The following ZNF267 variants were observed in gnomAD, a reference collection of about 807,000 sequenced individuals.
ZNF267 encodes the protein zinc finger (C2H2).
A neutral mutation model predicts 71.6 loss-of-function variants in ZNF267; 61 were observed. The ratio of observed to expected loss-of-function variants is 0.85; its 90% CI spans 0.69 to 1.05. ZNF267 has a LOEUF of 1.05. Among genes scored for constraint, ZNF267 ranks in the 50% least tolerant of loss-of-function variants. The pLI, the probability that ZNF267 is intolerant of heterozygous loss-of-function variation, is 0.00. For synonymous variants in ZNF267, 288 were observed against 293.2 expected, an observed-to-expected ratio of 0.98 and a Z score of 0.18; for missense variants, 852 against 870.0, an observed-to-expected ratio of 0.98 and a Z score of 0.26.
intron 3 of ZNF267, among the ~76,000 whole-genome samples, chr16:31,888,120 T>A (rs960987004): frequency 1.1e-4 from 16 of 151,826 alleles, no homozygotes; most frequent in Non-Finnish European, 1.9e-4. Context: ...TTAAAAAAAA[T>A]TTTTGATACT....
rs1299588749 is a variant in ZNF267, at chr16:31,914,695, A to C, written c.446A>C (p.His149Pro). ...FDESSVESLF[H>P]QQILSSCAKS... ...GAATCCTCTGTTGAAAGTTTGTTTC[A>C]CCAGCAAATACTTTCTTCTTGTGCC... The change falls in exon 4 of 4, where the codon CAC becomes CCC. Residue 149 changes from histidine to proline, a missense_variant. His to Pro is a moderately conservative substitution (Grantham distance 77, BLOSUM62 -2). Transcript: ENST00000300870. 1 of 1,614,148 alleles carries C rather than the reference A, an allele frequency of 6.2e-7. No individual in the cohort carries two copies. Among genetic ancestry groups the C allele is most frequent in the East Asian group, 2.2e-5 (1 of 44,864 alleles).
At chr16:31,909,683 A>G (rs2084120983) in intron 3 of ZNF267, among the ~76,000 whole-genome samples, 1 of 152,210 alleles carries the variant, frequency 6.6e-6, no homozygotes, top group Admixed American at 6.5e-5. Context: ...TTTTCTTAAT[A>G]TAAGACTGTA....
At chr16:31,906,669 C>T (rs991447339) in intron 3 of ZNF267, among the ~76,000 whole-genome samples, 6 of 152,110 alleles carry the variant, frequency 3.9e-5, no homozygotes, top group African/African-American at 9.7e-5. Context: ...TTCCAGGTGC[C>T]GTCTGTCACC....
intron 3 of ZNF267, among the ~76,000 whole-genome samples, chr16:31,910,064 T>C (rs1298449510): frequency 2.0e-5 from 3 of 152,238 alleles, no homozygotes; most frequent in Non-Finnish European, 4.4e-5. Flanking sequence ...ATCATACTGA[T>C]TGATTGCATA....
At chr16:31,897,605 T>C (rs985019212) in intron 3 of ZNF267, among the ~76,000 whole-genome samples, 2 of 152,114 alleles carry the variant, frequency 1.3e-5, no homozygotes, top group African/African-American at 2.4e-5. Flanking sequence ...CATAGATATT[T>C]TAGAATATTT....
intron 3 of ZNF267, among the ~76,000 whole-genome samples, chr16:31,900,636 G>T (rs774948237): frequency 6.6e-6 from 1 of 151,758 alleles, no homozygotes; most frequent in Non-Finnish European, 1.5e-5. Context: ...AGTAGAGATG[G>T]GGTTTCACTG....
chr16:31,910,227 ATCTTTT>A (rs1386839189), intron 3 of ZNF267, among the ~76,000 whole-genome samples: 2 of 148,268 alleles, frequency 1.3e-5, no homozygotes, highest in Admixed American at 1.3e-4. Context: ...CTTTTGATGT[ATCTTTT>A]TCTGATTTGG....
At position 31,916,186 on chromosome 16, in the gene ZNF267, A is replaced by T; in HGVS notation, c.1937A>T (p.Tyr646Phe). ...ECGKAFNYRS[Y>F]LTTHQRSHTG... ...GGCAAAGCCTTCAACTATAGGTCAT[A>T]CCTCACTACACATCAGAGAAGTCAT... Residue 646 changes from tyrosine to phenylalanine, a missense_variant, in exon 4 of 4, where the codon TAC (tyrosine) becomes TTC (phenylalanine). Transcript: ENST00000300870. 6.2e-7 allele frequency: 1 copy of T among 1,614,160 alleles called. No homozygotes were observed. The highest frequency in any genetic ancestry group is 1.1e-5 in the South Asian group (1 of 91,080).
chr16:31,893,125 C>T (rs1280685238), intron 3 of ZNF267, among the ~76,000 whole-genome samples: 1 of 152,268 alleles, frequency 6.6e-6, no homozygotes, highest in African/African-American at 2.4e-5. Context: ...GGTTCCCAAA[C>T]CCCAATCCTC....
chr16:31,910,136 A>C (rs748323238), intron 3 of ZNF267, among the ~76,000 whole-genome samples: 8 of 152,120 alleles, frequency 5.3e-5, no homozygotes, highest in Non-Finnish European at 1.2e-4. Context: ...CAATCTTTTA[A>C]TGTGTTGTTG....
chr16:31,902,093 C>T (rs187917316), intron 3 of ZNF267, among the ~76,000 whole-genome samples: 15 of 152,266 alleles, frequency 9.9e-5, no homozygotes, highest in African/African-American at 2.6e-4. Context: ...TGTCAAAGAT[C>T]GGATGGTTGT....
At chr16:31,911,429 C>A (rs2084134446) in intron 3 of ZNF267, among the ~76,000 whole-genome samples, 1 of 151,456 alleles carries the variant, frequency 6.6e-6, no homozygotes. Flanking sequence ...TTTGTTCTGT[C>A]TTCACAGTTT....
intron 3 of ZNF267, among the ~76,000 whole-genome samples, chr16:31,886,671 C>A (rs2083926606): frequency 6.6e-6 from 1 of 152,162 alleles, no homozygotes; most frequent in South Asian, 2.1e-4. Flanking sequence ...CAATGCTGTA[C>A]ATTAGATATT....
intron 3 of ZNF267, among the ~76,000 whole-genome samples, chr16:31,902,917 T>C (rs2084053652): frequency 6.6e-6 from 1 of 152,130 alleles, no homozygotes; most frequent in Admixed American, 6.5e-5. Flanking sequence ...CAGTGTGATA[T>C]TGGCTGTGGG....
chr16:31,877,193 A>G (rs566229097), intron 1 of ZNF267, among the ~76,000 whole-genome samples: 2 of 152,010 alleles, frequency 1.3e-5, no homozygotes, highest in Non-Finnish European at 2.9e-5. Flanking sequence ...CAGAGTCTCA[A>G]ATCTACCACT....
intron 1 of ZNF267, among the ~76,000 whole-genome samples, chr16:31,878,426 A>T (rs554579664): frequency 6.6e-6 from 1 of 152,274 alleles, no homozygotes; most frequent in South Asian, 2.1e-4. Context: ...GTCCCCGTCC[A>T]TCCCAGGAGA....
Position 31,915,050 on chromosome 16 carries a change from C to G in ZNF267, c.801C>G (p.Tyr267Ter). ...GGCAAGAGAAACAAGAACAGTCTTA[C>G]AAATGTAATAAATGTGTAGAAGTTT... ...MHGQEKQEQS[Y>*]KCNKCVEVCT... Residue 267 changes from tyrosine to a stop codon, truncating the protein, a stop_gained, in exon 4 of 4, where the codon TAC becomes TAG. Coordinates refer to ENST00000300870, the MANE Select transcript of ZNF267 (RefSeq NM_003414.6). LOFTEE classifies it high-confidence loss of function. 2 of 1,612,866 alleles carry G rather than the reference C, an allele frequency of 1.2e-6. No homozygotes were observed. Among genetic ancestry groups the G allele is most frequent in the Non-Finnish European group, 1.7e-6 (2 of 1,179,624 alleles).
Position 31,907,913 on chromosome 16 carries a change from G to A in ZNF267, c.227-6563G>A, listed in dbSNP as rs2084104440. Among the ~76,000 whole-genome samples the A allele has an allele frequency of 4.0e-5, 6 of 151,844 alleles. No homozygotes were observed. In the South Asian group the frequency reaches 1.2e-3, roughly 32 times the overall value. On this transcript the variant is annotated intron_variant, in intron 3 of 3. Transcript: ENST00000300870. ...AAAAAATTAGCCGGGTGTGGTGATGGGTGCTTGTAGTCCCAGCTACTCAGG... is the reference window on the plus strand; with the variant it reads ...AAAAAATTAGCCGGGTGTGGTGATGAGTGCTTGTAGTCCCAGCTACTCAGG...
chr16:31,874,523 A>T (rs1372310910), intron 1 of ZNF267, among the ~76,000 whole-genome samples: 1 of 152,352 alleles, frequency 6.6e-6, no homozygotes, highest in African/African-American at 2.4e-5. Context: ...GATGGGTTAC[A>T]GTTTGTAGTT....
Sources: gnomAD v4.1 joint callset for allele counts (sites outside exome capture counted in the v4.1 genomes callset) on GRCh38, gnomAD v4.1.1 for gene constraint, MANE v1.5 for transcripts, NCBI Gene and HGNC (gene_info 2026-07-23, HGNC 2026-07-21) for gene names.